Variants in BANK1 observed in about 807,000 individuals in gnomAD.
BANK1 encodes B-cell scaffold protein with ankyrin repeats.
A neutral mutation model predicts 94.5 loss-of-function variants in BANK1; 95 were observed. The ratio of observed to expected loss-of-function variants is 1.00; its 90% confidence interval spans 0.85 to 1.19. The LOEUF is 1.19. BANK1 is among the 50% of genes most tolerant of loss of function. BANK1 has a pLI of 0.00. For synonymous variants in BANK1, 334 were observed against 308.4 expected (o/e 1.08, Z -0.87); for missense variants, 987 against 932.2 (o/e 1.06, Z -0.77).
chr4:102,051,901 G>T (rs908254095), intron 11 of BANK1, among the ~76,000 whole-genome samples: 1 of 152,066 alleles, frequency 6.6e-6, no homozygotes, highest in Admixed American at 6.6e-5. Context: ...CATGGACTTA[G>T]ATACATAGTG....
chr4:101,957,530 A>T, intron 7 of BANK1, among the ~76,000 whole-genome samples: 1 of 152,206 alleles, frequency 6.6e-6, no homozygotes, highest in African/African-American at 2.4e-5. Flanking sequence ...GGAAGTTTAT[A>T]CATCATCAAG....
At position 101,991,084 on chromosome 4, in the gene BANK1, C is replaced by T. The variant is rs1356323601; in HGVS notation, c.1207-30430C>T. Among the ~76,000 whole-genome samples, 4 of 152,092 alleles carry T rather than the reference C, an allele frequency of 2.6e-5. No homozygotes were observed. In the East Asian group the frequency reaches 5.8e-4, roughly 22 times the overall value. ...ATCATTAGTTAAAAAGTATTATCCCCGTTTTGTATATGAGAAAATGAAGGC... is the reference window on the plus strand; with the variant it reads ...ATCATTAGTTAAAAAGTATTATCCCTGTTTTGTATATGAGAAAATGAAGGC... On this transcript the variant is annotated intron_variant, in intron 7 of 16. Transcript: ENST00000322953.
chr4:101,886,018 A>T (rs1728841558), intron 5 of BANK1, among the ~76,000 whole-genome samples: 2 of 152,248 alleles, frequency 1.3e-5, no homozygotes, highest in African/African-American at 2.4e-5. Context: ...ATTTTTAAAA[A>T]GTGCATCCAT....
chr4:101,928,331 C>T (rs998116602), intron 7 of BANK1, among the ~76,000 whole-genome samples: 6 of 151,678 alleles, frequency 4.0e-5, no homozygotes, highest in Middle Eastern at 3.4e-3. Flanking sequence ...GTTTGGAATC[C>T]TTCAAGAAAA....
intron 4 of BANK1, 73 bp downstream of exon 4, chr4:101,862,737 T>C: frequency 7.3e-7 from 1 of 1,378,996 alleles, no homozygotes; most frequent in Non-Finnish European, 9.6e-7. Context: ...TAATAAATGG[T>C]TTCACTTCCT....
chr4:101,909,376 A>G (rs1722579594), intron 6 of BANK1, among the ~76,000 whole-genome samples: 1 of 152,078 alleles, frequency 6.6e-6, no homozygotes, highest in Non-Finnish European at 1.5e-5. Flanking sequence ...GGAACATCAC[A>G]CACCGGGGCC....
chr4:101,986,494 CTTACTTTAAAAAT>C (rs1373216258), intron 7 of BANK1, among the ~76,000 whole-genome samples: 1 of 151,898 alleles, frequency 6.6e-6, no homozygotes, highest in Non-Finnish European at 1.5e-5. Context: ...CTTCAGTTTC[CTTACTTTAAAAAT>C]ATGGATGATA....
chr4:101,801,834 A>G (rs1280291925), intron 1 of BANK1, among the ~76,000 whole-genome samples: 1 of 152,222 alleles, frequency 6.6e-6, no homozygotes, highest in Non-Finnish European at 1.5e-5. Context: ...CTTATTTGTT[A>G]AATAATTTTG....
At chr4:102,001,660 C>G (rs755270280) in intron 7 of BANK1, among the ~76,000 whole-genome samples, 1 of 152,104 alleles carries the variant, frequency 6.6e-6, no homozygotes, top group East Asian at 1.9e-4. Context: ...GAGTGAAGGG[C>G]GCAGTCAACC....
intron 7 of BANK1, among the ~76,000 whole-genome samples, chr4:101,958,902 A>C (rs986585165): frequency 1.3e-5 from 2 of 152,192 alleles, no homozygotes; most frequent in African/African-American, 2.4e-5. Context: ...GAGAATATAG[A>C]TGATCAAGTA....
intron 1 of BANK1, among the ~76,000 whole-genome samples, chr4:101,792,471 T>TG (rs1560576132): frequency 0.026 from 1,208 of 46,790 alleles, 12 homozygotes; most frequent in African/African-American, 0.045. Flanking sequence ...GTGTGTGTGT[T>TG]TTTTTTTTTT....
intron 7 of BANK1, among the ~76,000 whole-genome samples, chr4:101,993,389 A>C (rs1406521394): frequency 2.0e-5 from 3 of 152,120 alleles, no homozygotes; most frequent in Non-Finnish European, 2.9e-5. Flanking sequence ...ATCTCCATGA[A>C]ACCCTTTCAT....
chr4:101,992,706 C>T (rs529850114), intron 7 of BANK1, among the ~76,000 whole-genome samples: 105 of 152,302 alleles, frequency 6.9e-4, no homozygotes, highest in Non-Finnish European at 1.2e-3. Flanking sequence ...CAAGATGATA[C>T]ATTTCCCAAA....
intron 3 of BANK1, among the ~76,000 whole-genome samples, chr4:101,855,589 AT>A (rs1158184623): frequency 6.6e-6 from 1 of 152,228 alleles, no homozygotes; most frequent in East Asian, 1.9e-4. Context: ...GCTTAATTTT[AT>A]CAACTGTGAC....
chr4:102,057,438 A>G (rs1201493235), intron 11 of BANK1, among the ~76,000 whole-genome samples: 1 of 151,106 alleles, frequency 6.6e-6, no homozygotes, highest in Non-Finnish European at 1.5e-5. Context: ...AGCTCACTGC[A>G]GCCTTGATCT....
At chr4:101,956,991 A>T (rs141395515) in intron 7 of BANK1, among the ~76,000 whole-genome samples, 10 of 152,284 alleles carry the variant, frequency 6.6e-5, no homozygotes, top group African/African-American at 2.2e-4. Flanking sequence ...GTACAAAAAG[A>T]TTATGCCCAT....
intron 1 of BANK1, among the ~76,000 whole-genome samples, chr4:101,792,467 G>GTT (rs753512181): frequency 7.4e-5 from 7 of 94,320 alleles, no homozygotes; most frequent in African/African-American, 1.7e-4. Context: ...GTGTGTGTGT[G>GTT]TGTTTTTTTT....
At position 101,790,858 on chromosome 4, in the gene BANK1, G is replaced by T; in HGVS notation, c.-23G>T. 6.5e-7 allele frequency: 1 copy of T among 1,536,108 alleles called. No individual in the cohort carries two copies. The highest frequency in any genetic ancestry group is 8.7e-7 in the Non-Finnish European group (1 of 1,145,754). ...GCGCTCGGCGGGCAGCAGTGCGCAG[G>T]CCCCTCGGCTTCAACCGCCACAATG... On this transcript the variant is annotated 5_prime_UTR_variant, in exon 1 of 17. Coordinates refer to ENST00000322953, the MANE Select transcript of BANK1 (RefSeq NM_017935.5).
intron 1 of BANK1, chr4:101,813,785 G>C (rs1725801362): frequency 4.9e-6 from 4 of 810,132 alleles, no homozygotes; most frequent in Non-Finnish European, 4.5e-6. Flanking sequence ...AGCTTCTGCG[G>C]GTGGTAGGAG....
Sources: allele counts gnomAD v4.1 joint callset (sites outside exome capture counted in the v4.1 genomes callset), GRCh38; gene constraint gnomAD v4.1.1; transcripts MANE v1.5; gene names NCBI Gene and HGNC (gene_info 2026-07-23, HGNC 2026-07-21).